Variants in KIF16B observed in about 807,000 individuals in gnomAD.
KIF16B encodes kinesin-like protein KIF16B.
A neutral mutation model predicts 156.3 loss-of-function variants in KIF16B; 98 were observed. That is an observed-to-expected ratio of 0.63 (90% CI 0.53 to 0.74). The LOEUF (loss-of-function observed/expected upper bound fraction) is 0.74. Ranked by LOEUF, KIF16B falls within the 30% of genes least tolerant of loss-of-function variation. The pLI is 0.00. For missense variants in KIF16B, 1,421 were observed against 1,606.5 expected (o/e 0.88, Z 1.97); for synonymous variants, 564 against 583.7 (o/e 0.97, Z 0.49).
chr20:16,275,803 A>G (rs1332864171), intron 25 of KIF16B, among the ~76,000 whole-genome samples: 1 of 152,216 alleles, frequency 6.6e-6, no homozygotes, highest in Non-Finnish European at 1.5e-5. Context: ...TTTCTGCGGG[A>G]AGGGACCCTG....
chr20:16,394,306 C>T (rs1172679213), intron 17 of KIF16B, among the ~76,000 whole-genome samples: 8 of 152,126 alleles, frequency 5.3e-5, no homozygotes, highest in East Asian at 1.9e-4. Flanking sequence ...AGAAAACACC[C>T]GAAGCTCATC....
At chr20:16,567,027 T>C (rs2071278265) in intron 1 of KIF16B, among the ~76,000 whole-genome samples, 1 of 152,172 alleles carries the variant, frequency 6.6e-6, no homozygotes, top group African/African-American at 2.4e-5. Flanking sequence ...ATTAGTGAAA[T>C]AAACATGTTC....
At chr20:16,364,123 G>A (rs2064607320) in intron 22 of KIF16B, among the ~76,000 whole-genome samples, 1 of 152,184 alleles carries the variant, frequency 6.6e-6, no homozygotes, top group Non-Finnish European at 1.5e-5. Context: ...GAAGGCTTAA[G>A]TACTCTCTTC....
At chr20:16,432,239 C>T (rs1382036047) in intron 12 of KIF16B, among the ~76,000 whole-genome samples, 1 of 152,104 alleles carries the variant, frequency 6.6e-6, no homozygotes, top group Non-Finnish European at 1.5e-5. Flanking sequence ...TGAGGTTGGG[C>T]TGAACCAGGT....
intron 12 of KIF16B, among the ~76,000 whole-genome samples, chr20:16,442,436 A>C (rs889249430): frequency 2.2e-4 from 33 of 147,978 alleles, no homozygotes; most frequent in African/African-American, 8.0e-4. Flanking sequence ...TATATACATG[A>C]TGAATATATA....
intron 1 of KIF16B, among the ~76,000 whole-genome samples, chr20:16,528,732 A>G (rs2147157000): frequency 6.6e-6 from 1 of 152,314 alleles, no homozygotes; most frequent in South Asian, 2.1e-4. Flanking sequence ...GACACCACAA[A>G]GAGCTAAGAC....
intron 15 of KIF16B, among the ~76,000 whole-genome samples, chr20:16,413,698 C>T (rs1309177465): frequency 6.6e-6 from 1 of 151,816 alleles, no homozygotes; most frequent in Non-Finnish European, 1.5e-5. Context: ...ACTTTAGAAA[C>T]ACCCCCTGCC....
At chr20:16,572,752 G>A (rs2071501232) in intron 1 of KIF16B, among the ~76,000 whole-genome samples, 1 of 152,184 alleles carries the variant, frequency 6.6e-6, no homozygotes, top group Non-Finnish European at 1.5e-5. Flanking sequence ...ATGAAGTTAG[G>A]AACTGCTAAG....
chr20:16,539,650 A>G (rs2070120250), intron 1 of KIF16B, among the ~76,000 whole-genome samples: 1 of 152,214 alleles, frequency 6.6e-6, no homozygotes, highest in African/African-American at 2.4e-5. Flanking sequence ...CCAGAAGCAG[A>G]TGCTGCTATG....
At chr20:16,477,427 G>A (rs1360861807) in intron 12 of KIF16B, among the ~76,000 whole-genome samples, 2 of 152,060 alleles carry the variant, frequency 1.3e-5, no homozygotes, top group African/African-American at 2.4e-5. Context: ...CATTGAAATC[G>A]GCATAGAGTA....
intron 22 of KIF16B, chr20:16,367,333 T>C (rs769456931): frequency 6.2e-7 from 1 of 1,612,890 alleles, no homozygotes; most frequent in East Asian, 2.2e-5. Context: ...AGGTTTGAGT[T>C]TCTGTAAGAA....
At chr20:16,474,799 T>C (rs754260135) in intron 12 of KIF16B, among the ~76,000 whole-genome samples, 3 of 152,168 alleles carry the variant, frequency 2.0e-5, no homozygotes, top group Non-Finnish European at 4.4e-5. Flanking sequence ...AGTTCTGTAG[T>C]TTTTGGTGAG....
At chr20:16,403,125 G>T (rs552171466) in intron 17 of KIF16B, among the ~76,000 whole-genome samples, 4 of 152,280 alleles carry the variant, frequency 2.6e-5, no homozygotes, top group African/African-American at 9.6e-5. Flanking sequence ...CCACTGTGGA[G>T]GATAATAACG....
rs550322260 is a variant in KIF16B, at chr20:16,289,547, C to T, written c.3796-16136G>A. On this transcript the variant is annotated intron_variant, in intron 25 of 25. Transcript: ENST00000354981. ...CTCATATTAGATAGATACTGGCAGACCCTTTATTTAAAGAGTTGTGTTAAG... is the reference window on the plus strand; with the variant it reads ...CTCATATTAGATAGATACTGGCAGATCCTTTATTTAAAGAGTTGTGTTAAG... Among the ~76,000 whole-genome samples, 236 of 152,256 alleles carry T rather than the reference C, an allele frequency of 1.6e-3. 1 individual carries two copies. The highest frequency in any genetic ancestry group is 6.0e-3 in the East Asian group (31 of 5,172).
At chr20:16,412,182 A>C (rs2065973901) in intron 15 of KIF16B, among the ~76,000 whole-genome samples, 1 of 152,042 alleles carries the variant, frequency 6.6e-6, no homozygotes, top group African/African-American at 2.4e-5. Context: ...AAGAGGGGCC[A>C]ACAATGCAGA....
At chr20:16,370,985 T>C (rs2064804501) in intron 21 of KIF16B, among the ~76,000 whole-genome samples, 1 of 152,214 alleles carries the variant, frequency 6.6e-6, no homozygotes, top group Non-Finnish European at 1.5e-5. Flanking sequence ...AAATTCTATT[T>C]ATATTTTGGA....
chr20:16,502,426 A>T (rs2068652700), intron 10 of KIF16B, among the ~76,000 whole-genome samples: 2 of 152,232 alleles, frequency 1.3e-5, no homozygotes, highest in South Asian at 4.1e-4. Context: ...ACAGCTTCAT[A>T]GCACGATAAA....
chr20:16,385,548 G>C (rs916039588), intron 17 of KIF16B, among the ~76,000 whole-genome samples: 3 of 152,208 alleles, frequency 2.0e-5, no homozygotes, highest in African/African-American at 7.2e-5. Flanking sequence ...AAAGGCTGAA[G>C]AATGTAACAG....
chr20:16,531,020 C>T (rs897578601), intron 1 of KIF16B, among the ~76,000 whole-genome samples: 3 of 151,944 alleles, frequency 2.0e-5, no homozygotes, highest in East Asian at 3.9e-4. Flanking sequence ...TGTTTTAAGC[C>T]CCTAAGTTTT....
Sources: allele counts gnomAD v4.1 joint callset (sites outside exome capture counted in the v4.1 genomes callset), GRCh38; gene constraint gnomAD v4.1.1; transcripts MANE v1.5; gene names NCBI Gene and HGNC (gene_info 2026-07-23, HGNC 2026-07-21).